Variants in DMRT1 observed in about 807,000 individuals in gnomAD.
DMRT1 encodes doublesex- and mab-3-related transcription factor 1.
Under a neutral mutation model 32.3 loss-of-function variants are expected in DMRT1, and 7 were observed. That is an observed-to-expected ratio of 0.22 (90% confidence interval 0.12 to 0.41). The LOEUF is 0.41. Ranked by LOEUF, DMRT1 falls within the 10% of genes least tolerant of loss-of-function variation. The pLI is 1.00. For missense variants in DMRT1, 625 were observed against 500.5 expected (o/e 1.25, Z -2.37); for synonymous variants, 278 against 206.1 (o/e 1.35, Z -2.99).
At chr9:888,925 G>A (rs1321523473) in intron 2 of DMRT1, among the ~76,000 whole-genome samples, 1 of 150,790 alleles carries the variant, frequency 6.6e-6, no homozygotes, top group Admixed American at 6.6e-5. Flanking sequence ...CCAGGAGTTT[G>A]AGACCAGCCT....
chr9:870,623 G>A (rs1446651241), intron 2 of DMRT1, among the ~76,000 whole-genome samples: 1 of 151,082 alleles, frequency 6.6e-6, no homozygotes, highest in African/African-American at 2.4e-5. Flanking sequence ...GTCTCTGTTG[G>A]GTCCAAGAAA....
chr9:870,179 C>G (rs1438169268), intron 2 of DMRT1, among the ~76,000 whole-genome samples: 1 of 152,174 alleles, frequency 6.6e-6, no homozygotes, highest in African/African-American at 2.4e-5. Flanking sequence ...AGGTGGATCA[C>G]CTGAGGTCAG....
intron 3 of DMRT1, among the ~76,000 whole-genome samples, chr9:902,523 C>G (rs1232575677): frequency 1.3e-5 from 2 of 149,690 alleles, no homozygotes; most frequent in Non-Finnish European, 3.0e-5. Flanking sequence ...GTCTTGCTGT[C>G]TTGCCCAGGC....
rs1181429104 is a variant in DMRT1, at chr9:891,700, A to C, written c.539-2212A>C. Among the ~76,000 whole-genome samples the C allele has an allele frequency of 1.3e-4, 18 of 142,136 alleles. No homozygotes were observed. In the South Asian group the frequency reaches 4.1e-3, roughly 32 times the overall value. 93.2% of individuals were successfully genotyped at this position (142,136 alleles called of 152,430 possible). A position where few individuals can be genotyped will look rare whatever the true frequency, so the allele number is the denominator to read the frequency against. ...TGGCTAATTTTTTTTTTTTTTTGGT[A>C]TTTTTAGTAGAGACAGGGTTTCACC... On this transcript the variant is annotated intron_variant, in intron 2 of 4. Transcript: ENST00000382276.
chr9:859,380 A>G (rs892473734), intron 2 of DMRT1, among the ~76,000 whole-genome samples: 1 of 152,120 alleles, frequency 6.6e-6, no homozygotes, highest in African/African-American at 2.4e-5. Flanking sequence ...CTCTGAGCCT[A>G]GGAGTGCCCT....
At chr9:938,781 A>G (rs2129898276) in intron 4 of DMRT1, among the ~76,000 whole-genome samples, 1 of 152,354 alleles carries the variant, frequency 6.6e-6, no homozygotes, top group Admixed American at 6.5e-5. Context: ...TGTATTGAAC[A>G]GAGGTGGCAC....
At chr9:924,970 A>G (rs1395840227) in intron 4 of DMRT1, among the ~76,000 whole-genome samples, 2 of 152,168 alleles carry the variant, frequency 1.3e-5, no homozygotes, top group East Asian at 1.9e-4. Context: ...TCGGGCTCCT[A>G]ACGTGTCCTC....
At chr9:882,663 T>G (rs535361470) in intron 2 of DMRT1, among the ~76,000 whole-genome samples, 1 of 152,104 alleles carries the variant, frequency 6.6e-6, no homozygotes, top group Non-Finnish European at 1.5e-5. Flanking sequence ...CTTGAAGGCC[T>G]GTGTTTGCTC....
At chr9:892,256 G>T (rs780243359) in intron 2 of DMRT1, among the ~76,000 whole-genome samples, 1 of 152,052 alleles carries the variant, frequency 6.6e-6, no homozygotes, top group Non-Finnish European at 1.5e-5. Flanking sequence ...TGTTTTTCAC[G>T]CTCCAGGTCT....
chr9:947,395 G>GA (rs1021538231), intron 4 of DMRT1, among the ~76,000 whole-genome samples: 8 of 152,226 alleles, frequency 5.3e-5, no homozygotes, highest in African/African-American at 1.2e-4. Flanking sequence ...ATTATTGACA[G>GA]AAAATGTTAA....
chr9:869,626 C>G (rs921601469), intron 2 of DMRT1, among the ~76,000 whole-genome samples: 3 of 152,218 alleles, frequency 2.0e-5, no homozygotes, highest in African/African-American at 7.2e-5. Flanking sequence ...CCTCCCCTCT[C>G]TTGTTCTCTT....
chr9:933,564 G>C (rs929598456), intron 4 of DMRT1, among the ~76,000 whole-genome samples: 1 of 152,142 alleles, frequency 6.6e-6, no homozygotes, highest in South Asian at 2.1e-4. Flanking sequence ...TCAGCCTCAG[G>C]CTGTCAAACC....
At chr9:931,780 C>T (rs554279595) in intron 4 of DMRT1, among the ~76,000 whole-genome samples, 4 of 152,182 alleles carry the variant, frequency 2.6e-5, no homozygotes, top group Non-Finnish European at 4.4e-5. Context: ...TCCCTAAAGG[C>T]CCTGTCTCCA....
intron 4 of DMRT1, among the ~76,000 whole-genome samples, chr9:960,663 T>G (rs1337184917): frequency 1.3e-5 from 2 of 152,234 alleles, no homozygotes; most frequent in African/African-American, 4.8e-5. Flanking sequence ...TGGCTGCTCC[T>G]GGCTGAGGGG....
chr9:956,783 G>A (rs1218994119), intron 4 of DMRT1, among the ~76,000 whole-genome samples: 1 of 152,056 alleles, frequency 6.6e-6, no homozygotes, highest in Non-Finnish European at 1.5e-5. Flanking sequence ...CTTTCCTTAA[G>A]TTCAGAGCCT....
At chr9:927,420 G>A (rs968264406) in intron 4 of DMRT1, among the ~76,000 whole-genome samples, 6 of 152,134 alleles carry the variant, frequency 3.9e-5, no homozygotes, top group Admixed American at 1.3e-4. Context: ...GCTCGTCAGC[G>A]GCCCTTTATA....
At chr9:901,331 T>G (rs945608198) in intron 3 of DMRT1, among the ~76,000 whole-genome samples, 1 of 151,530 alleles carries the variant, frequency 6.6e-6, no homozygotes, top group East Asian at 1.9e-4. Context: ...TTTTGTGTGT[T>G]TGTTTTTTAT....
At chr9:880,247 T>C (rs1816677182) in intron 2 of DMRT1, among the ~76,000 whole-genome samples, 1 of 152,240 alleles carries the variant, frequency 6.6e-6, no homozygotes, top group African/African-American at 2.4e-5. Context: ...GCAGAAAGGC[T>C]GTGTGAGTCC....
intron 3 of DMRT1, among the ~76,000 whole-genome samples, chr9:914,209 T>C (rs1010594874): frequency 6.6e-6 from 1 of 152,140 alleles, no homozygotes; most frequent in Non-Finnish European, 1.5e-5. Flanking sequence ...TGTGGTCTTA[T>C]TTATTAGGGG....
Sources: allele counts gnomAD v4.1 joint callset (sites outside exome capture counted in the v4.1 genomes callset), GRCh38; gene constraint gnomAD v4.1.1; transcripts MANE v1.5; gene names NCBI Gene and HGNC (gene_info 2026-07-23, HGNC 2026-07-21).